Variants in ANKFN1 observed in about 807,000 individuals in gnomAD.
ANKFN1 encodes the protein ankyrin repeat and fibronectin type III domain containing 1.
A neutral mutation model predicts 108.7 loss-of-function variants in ANKFN1; 74 were observed. The ratio of observed to expected loss-of-function variants is 0.68; its 90% CI spans 0.56 to 0.83. ANKFN1 has a LOEUF of 0.83. ANKFN1 is among the 40% of genes least tolerant of loss of function. The pLI, the probability that ANKFN1 is intolerant of heterozygous loss-of-function variation, is 0.00. For missense variants in ANKFN1, 1,505 were observed against 1,382.3 expected (o/e 1.09, Z -1.41); for synonymous variants, 547 against 516.2 (o/e 1.06, Z -0.81).
In ANKFN1 at chr17:56,384,808, T is replaced by G. The variant is rs367863124; in HGVS notation, c.910+10094T>G. Among the ~76,000 whole-genome samples, 6 of 152,070 alleles carry G rather than the reference T, an allele frequency of 3.9e-5. No homozygotes were observed. In the South Asian group the frequency reaches 1.2e-3, roughly 32 times the overall value. On this transcript the variant is annotated intron_variant, in intron 8 of 20. Coordinates refer to ENST00000682825, the MANE Select transcript of ANKFN1 (RefSeq NM_001370326.1). Reference sequence around the variant, plus strand: ...AGGAGAACTACAAACCACTGCTCAATGAAATAAAAGAGGATACAAAGAAAT... The same window carrying G: ...AGGAGAACTACAAACCACTGCTCAAGGAAATAAAAGAGGATACAAAGAAAT...
chr17:56,329,037 A>C lies in ANKFN1; in HGVS notation c.188+2682A>C, dbSNP rs180959286. On this transcript the variant is annotated intron_variant, in intron 4 of 20. Coordinates refer to ENST00000682825, the MANE Select transcript of ANKFN1 (RefSeq NM_001370326.1). ...GGTTGTCCCCCACCACTGTTCCTAC[A>C]TCCCTCCCCTTTCCAGCAATCCTCT... Among the ~76,000 whole-genome samples, 9 of 152,234 alleles carry C rather than the reference A, an allele frequency of 5.9e-5. No individual in the cohort carries two copies. In the East Asian group the frequency reaches 1.7e-3, roughly 29 times the overall value.
At chr17:56,151,443 T>A (rs1247605292), upstream of ANKFN1, among the ~76,000 whole-genome samples, 3 of 152,216 alleles carry the variant, frequency 2.0e-5, no homozygotes, top group Non-Finnish European at 4.4e-5. Flanking sequence ...GTAGTAGGTT[T>A]TGTTGGATTT....
chr17:56,130,825 C>A (rs1037590480), intron 4 of ANKFN1, among the ~76,000 whole-genome samples: 1 of 152,118 alleles, frequency 6.6e-6, no homozygotes, highest in Non-Finnish European at 1.5e-5. Flanking sequence ...CACTGGCAAG[C>A]AGTTTTGCCT....
At chr17:56,188,557 GTGTGTA>G (rs199703592) in intron 1 of ANKFN1, among the ~76,000 whole-genome samples, 7,503 of 90,724 alleles carry the variant, frequency 0.083, 619 homozygotes, top group East Asian at 0.21. Flanking sequence ...GTGTGTGTGT[GTGTGTA>G]TGTGTGTGTG....
At chr17:56,128,718 T>A (rs778013488) in intron 4 of ANKFN1, among the ~76,000 whole-genome samples, 3 of 152,186 alleles carry the variant, frequency 2.0e-5, no homozygotes, top group Non-Finnish European at 4.4e-5. Context: ...GAAACCTATG[T>A]CACTTTACTT....
intron 3 of ANKFN1, among the ~76,000 whole-genome samples, chr17:56,310,748 T>TG: frequency 1.3e-5 from 2 of 150,186 alleles, no homozygotes; most frequent in South Asian, 2.1e-4. Context: ...CACAATTACT[T>TG]TGTGTGTGTG....
At position 56,503,486 on chromosome 17, in the gene ANKFN1, C is replaced by CATATATATATATAT. The variant is rs3052391; in HGVS notation, c.2644+4418_2644+4431dup. On this transcript the variant is annotated intron_variant, in intron 20 of 20. Transcript: ENST00000682825. ...AATAAATTCACTGAAGCACAAATTT[C>CATATATATATATAT]ATATATATATATATATATATATATA... Among the ~76,000 whole-genome samples, 238 of 81,470 alleles carry CATATATATATATAT rather than the reference C, an allele frequency of 2.9e-3. 1 individual carries two copies. The highest frequency in any genetic ancestry group is 5.5e-3 in the African/African-American group (76 of 13,852). 53.4% of individuals were successfully genotyped at this position (81,470 alleles called of 152,430 possible).
intron 3 of ANKFN1, among the ~76,000 whole-genome samples, chr17:56,239,361 G>T (rs1408810598): frequency 6.6e-6 from 1 of 152,048 alleles, no homozygotes; most frequent in Non-Finnish European, 1.5e-5. Flanking sequence ...TGGTGCAATA[G>T]TTCAACATAG....
chr17:56,170,797 T>TACACAC (rs1388858057), intron 1 of ANKFN1, among the ~76,000 whole-genome samples: 1 of 62,646 alleles, frequency 1.6e-5, no homozygotes, highest in African/African-American at 4.7e-5. Context: ...TATATATATA[T>TACACAC]ATATATATAT....
intron 2 of ANKFN1, among the ~76,000 whole-genome samples, chr17:56,215,371 C>T (rs1915345049): frequency 6.6e-6 from 1 of 152,158 alleles, no homozygotes; most frequent in Admixed American, 6.6e-5. Flanking sequence ...ATAGCACCTA[C>T]CCTACAGGGT....
chr17:56,127,839 G>A (rs544837645), intron 4 of ANKFN1, among the ~76,000 whole-genome samples: 1 of 152,306 alleles, frequency 6.6e-6, no homozygotes, highest in South Asian at 2.1e-4. Context: ...AGGAAGAACT[G>A]GGGGCTAGGT....
chr17:56,348,007 AT>A (rs2046150958), intron 4 of ANKFN1, among the ~76,000 whole-genome samples: 1 of 152,104 alleles, frequency 6.6e-6, no homozygotes, highest in African/African-American at 2.4e-5. Flanking sequence ...GAACTGGGGC[AT>A]TAATGCTGAA....
chr17:56,460,024 C>T (rs1486753015), intron 14 of ANKFN1, among the ~76,000 whole-genome samples: 7 of 149,324 alleles, frequency 4.7e-5, no homozygotes, highest in African/African-American at 1.7e-4. Context: ...TGGATGAATC[C>T]AACATGTCTA....
chr17:56,376,152 A>G (rs539397955), intron 8 of ANKFN1, among the ~76,000 whole-genome samples: 1 of 152,292 alleles, frequency 6.6e-6, no homozygotes, highest in East Asian at 1.9e-4. Flanking sequence ...ATGTTCAAGT[A>G]GTGCACATGC....
intron 4 of ANKFN1, among the ~76,000 whole-genome samples, chr17:56,048,310 TG>T (rs35314211): frequency 6.6e-6 from 1 of 152,186 alleles, no homozygotes; most frequent in Non-Finnish European, 1.5e-5. Flanking sequence ...TTTTACTTCC[TG>T]GGGGGATGAA....
upstream of ANKFN1, among the ~76,000 whole-genome samples, chr17:56,153,123 T>C (rs1410414175): frequency 6.6e-6 from 1 of 152,098 alleles, no homozygotes; most frequent in Non-Finnish European, 1.5e-5. Flanking sequence ...TCTCTTTCCT[T>C]CCCACCCTGT....
intron 8 of ANKFN1, among the ~76,000 whole-genome samples, chr17:56,419,478 C>T (rs1050426967): frequency 3.5e-5 from 5 of 143,120 alleles, no homozygotes; most frequent in African/African-American, 1.3e-4. Flanking sequence ...AGTGAAACTC[C>T]ATCTCAAAAA....
At chr17:56,271,558 A>T (rs1036943834) in intron 3 of ANKFN1, among the ~76,000 whole-genome samples, 5 of 152,114 alleles carry the variant, frequency 3.3e-5, no homozygotes, top group African/African-American at 1.2e-4. Context: ...ACCTAGAAGA[A>T]CCCCATTTCT....
At chr17:56,329,272 G>T (rs547745003) in intron 4 of ANKFN1, among the ~76,000 whole-genome samples, 1 of 152,056 alleles carries the variant, frequency 6.6e-6, no homozygotes, top group African/African-American at 2.4e-5. Flanking sequence ...TCAAAGCCCA[G>T]AAAAACTTCA....
Sources: allele counts gnomAD v4.1 joint callset (sites outside exome capture counted in the v4.1 genomes callset), GRCh38; gene constraint gnomAD v4.1.1; transcripts MANE v1.5; gene names NCBI Gene and HGNC (gene_info 2026-07-23, HGNC 2026-07-21).